The following URB2 variants were observed in gnomAD, a reference collection of about 807,000 sequenced individuals.
URB2 encodes unhealthy ribosome biogenesis protein 2 homolog.
Under a neutral mutation model 120.9 loss-of-function variants are expected in URB2, and 86 were observed. That is an observed-to-expected ratio of 0.71 (90% CI 0.60 to 0.85). URB2 has a LOEUF of 0.85. URB2 is among the 40% of genes least tolerant of loss of function. The probability of loss-of-function intolerance (pLI) is 0.00; values close to 1 mark genes in which losing one functional copy is unlikely to be tolerated. For missense variants in URB2, 1,765 were observed against 1,836.5 expected (o/e 0.96, Z 0.71); for synonymous variants, 755 against 758.4 (o/e 1.00, Z 0.07).
In URB2 at chr1:229,636,867, T is replaced by G; in HGVS notation, c.2254T>G (p.Ser752Ala). 1 of 1,611,454 alleles carries G rather than the reference T, an allele frequency of 6.2e-7. No individual in the cohort carries two copies. Among genetic ancestry groups the G allele is most frequent in the Non-Finnish European group, 8.5e-7 (1 of 1,178,066 alleles). Residue 752 changes from serine (S) to alanine (A), a missense_variant, in exon 4 of 10, where the codon TCC becomes GCC. Coordinates refer to ENST00000258243, the MANE Select transcript of URB2 (RefSeq NM_014777.4). Reference sequence around the variant, plus strand: ...TGTGTCAAATCTCACAATTTTAATATCCTATCTGTGTCCAGATGATGTGGG... The same window carrying G: ...TGTGTCAAATCTCACAATTTTAATAGCCTATCTGTGTCCAGATGATGTGGG... Reference protein sequence around the residue: ...LIVSNLTILISYLCPDDVGYL... With the variant: ...LIVSNLTILIAYLCPDDVGYL...
At position 229,637,360 on chromosome 1, in the gene URB2, A is replaced by G; in HGVS notation, c.2747A>G (p.His916Arg). The change falls in exon 4 of 10, where the codon CAT becomes CGT. Residue 916 changes from histidine to arginine, a missense_variant. Transcript: ENST00000258243. ...AGCCTCTTGCCACCCTATCATGTGC[A>G]TTATTTTCTTGTGTTACTGTCCATG... ...LDSLLPPYHVHYFLVLLSMAV... is the reference protein window; with the variant it reads ...LDSLLPPYHVRYFLVLLSMAV... The G allele has an allele frequency of 7.4e-6, 12 of 1,614,124 alleles. No individual in the cohort carries two copies. The highest frequency in any genetic ancestry group is 1.0e-5 in the Non-Finnish European group (12 of 1,180,028).
At chr1:229,632,044 TG>T (rs1312637375) in intron 2 of URB2, among the ~76,000 whole-genome samples, 2 of 152,230 alleles carry the variant, frequency 1.3e-5, no homozygotes, top group Non-Finnish European at 2.9e-5. Context: ...TTGCCCTAGC[TG>T]AAGACAAATT....
Position 229,637,197 on chromosome 1 carries a change from G to T in URB2, c.2584G>T (p.Glu862Ter). 1 of 1,613,830 alleles carries T rather than the reference G, an allele frequency of 6.2e-7. No homozygotes were observed. The highest frequency in any genetic ancestry group is 8.5e-7 in the Non-Finnish European group (1 of 1,179,768). ...AAACAGATTTGCAAAAGCTGGACCC[G>T]AAGGTATAGAACCTAGAGGAGAAAT... The part of the protein sequence containing the change: ...WENRFAKAGP[E>*]GIEPRGEIAQ... The change falls in exon 4 of 10, where the codon GAA becomes TAA. Residue 862 changes from glutamate (E) to a stop codon, truncating the protein, a stop_gained. Transcript: ENST00000258243. LOFTEE classifies it high-confidence loss of function.
chr1:229,645,380 C>T (rs888275090), intron 5 of URB2, among the ~76,000 whole-genome samples: 1 of 152,150 alleles, frequency 6.6e-6, no homozygotes, highest in Non-Finnish European at 1.5e-5. Context: ...GTCATATTGC[C>T]CTCATGTCAG....
Position 229,637,422 on chromosome 1 carries a change from C to T in URB2, c.2809C>T (p.Leu937=). 4 of 1,614,184 alleles carry T rather than the reference C, an allele frequency of 2.5e-6. No homozygotes were observed. Among genetic ancestry groups the T allele is most frequent in the Non-Finnish European group, 3.4e-6 (4 of 1,180,042 alleles). ...TKLGCSCSSS[L]ALKFLTTCYQ... is the part of the protein sequence containing the mutation. ...ACTAGGATGCTCTTGCTCCTCCTCA[C>T]TGGCTCTCAAGTTCTTGACGACTTG... Residue 937 remains leucine, a synonymous_variant, in exon 4 of 10, where the codon CTG becomes TTG. Transcript: ENST00000258243.
Position 229,659,363 on chromosome 1 carries a change from C to T in URB2, c.*66C>T. Reference sequence around the variant, plus strand: ...GCTTTGGCTGCATGGTCTGAAAGAGCTGGAGAATGAAAGACTTAAGATGTT... The same window carrying T: ...GCTTTGGCTGCATGGTCTGAAAGAGTTGGAGAATGAAAGACTTAAGATGTT... On this transcript the variant is annotated 3_prime_UTR_variant, in exon 10 of 10. Coordinates refer to ENST00000258243, the MANE Select transcript of URB2 (RefSeq NM_014777.4). 6.6e-7 allele frequency: 1 copy of T among 1,524,098 alleles called. No individual in the cohort carries two copies. The highest frequency in any genetic ancestry group is 9.0e-7 in the Non-Finnish European group (1 of 1,113,140). The allele number at this position is 1,524,098 out of a possible 1,614,324, so 94.4% of individuals were successfully genotyped here.
intron 4 of URB2, 23 bp from the exon 5 acceptor site, chr1:229,643,510 A>G (rs2102791854): frequency 3.1e-6 from 5 of 1,613,612 alleles, no homozygotes; most frequent in Non-Finnish European, 4.2e-6. Flanking sequence ...CATCTTAACA[A>G]TTTTGGTTTC....
In URB2 at chr1:229,651,329, T is replaced by A. The variant is rs116315745; in HGVS notation, c.4237+7T>A. The A allele has an allele frequency of 1.2e-3, 1,873 of 1,609,804 alleles. 22 individuals are homozygous for A. The African/African-American group carries it at 0.022, about 19-fold the overall frequency. On this transcript the variant is annotated splice_region_variant and intron_variant, in intron 8 of 9. Transcript: ENST00000258243. Reference sequence around the variant, plus strand: ...GGGCGGCAGAAGGACAAAGGTAATTTGGAGTAACATCAGACACAGTTTCAA... The same window carrying A: ...GGGCGGCAGAAGGACAAAGGTAATTAGGAGTAACATCAGACACAGTTTCAA...
chr1:229,632,230 A>G, intron 2 of URB2, 39 bp from the exon 3 acceptor site: 1 of 1,483,458 alleles, frequency 6.7e-7, no homozygotes. Flanking sequence ...TCTCTCAGCA[A>G]ATAAATTTAT....
intron 9 of URB2, among the ~76,000 whole-genome samples, chr1:229,657,092 A>G (rs549749552): frequency 1.3e-5 from 2 of 152,188 alleles, no homozygotes; most frequent in Non-Finnish European, 2.9e-5. Flanking sequence ...GAAAAGTGTT[A>G]AGTTGAACCG....
At chr1:229,631,773 C>T (rs1159501436) in intron 2 of URB2, among the ~76,000 whole-genome samples, 1 of 152,182 alleles carries the variant, frequency 6.6e-6, no homozygotes, top group Non-Finnish European at 1.5e-5. Flanking sequence ...CATCAGTGAT[C>T]ACTGGTCACA....
rs764530348 is a variant in URB2, at chr1:229,637,991, C to T, written c.3378C>T (p.Ala1126=). 6.2e-6 allele frequency: 10 copies of T among 1,613,356 alleles called. No individual in the cohort carries two copies. The highest frequency in any genetic ancestry group is 4.5e-5 in the East Asian group (2 of 44,890). The change falls in exon 4 of 10, where the codon GCC becomes GCT. Residue 1126 remains alanine (A), a synonymous_variant. Transcript: ENST00000258243. ...LISSVSTLLE[A]DLGQHCRDGG... ...CATCCGTCAGCACGCTCTTGGAAGC[C>T]GACCTGGGTCAGCACTGCAGGGATG...
At chr1:229,655,891 A>C (rs552364754) in intron 9 of URB2, among the ~76,000 whole-genome samples, 6 of 152,334 alleles carry the variant, frequency 3.9e-5, no homozygotes, top group African/African-American at 1.4e-4. Context: ...CTGGAGCTGC[A>C]TCACTTTTCA....
chr1:229,651,577 A>G (rs1228904411), intron 8 of URB2, among the ~76,000 whole-genome samples: 3 of 152,244 alleles, frequency 2.0e-5, no homozygotes, highest in Non-Finnish European at 4.4e-5. Flanking sequence ...AGATTTAGGA[A>G]ATGTTTACTG....
rs12068153 is a variant in URB2 at position 229,660,117 on chromosome 1, C to T, written c.*820C>T. 224 of 152,130 alleles carry T rather than the reference C, an allele frequency of 1.5e-3. No individual in the cohort carries two copies. Among genetic ancestry groups the T allele is most frequent in the African/African-American group, 5.4e-3 (222 of 41,490 alleles). 9.4% of individuals were successfully genotyped at this position (152,130 alleles called of 1,614,324 possible). A position where few individuals can be genotyped will look rare whatever the true frequency, so the allele number is the denominator to read the frequency against. On this transcript the variant is annotated 3_prime_UTR_variant, in exon 10 of 10. Transcript: ENST00000258243. ...CACCTTGGAGTATCTTGTTGTAGTC[C>T]CTTTACTATGTGTATGTATATAGAT...
intron 4 of URB2, among the ~76,000 whole-genome samples, chr1:229,641,915 C>T (rs1043532027): frequency 3.9e-5 from 6 of 152,122 alleles, no homozygotes; most frequent in Middle Eastern, 3.4e-3. Flanking sequence ...AAGGCTGAGG[C>T]GAGAGGACCC....
At position 229,647,664 on chromosome 1, in the gene URB2, C is replaced by G. The variant is rs1188170783; in HGVS notation, c.4061C>G (p.Pro1354Arg). 3 of 1,614,136 alleles carry G rather than the reference C, an allele frequency of 1.9e-6. No homozygotes were observed. The highest frequency in any genetic ancestry group is 1.7e-5 in the Admixed American group (1 of 60,022). ...GCCTTCAGCATCCTTCTCACTGTCC[C>G]TTTGGACCATCTGAAGCCGCTGGAG... Reference protein sequence around the residue: ...SLAFSILLTVPLDHLKPLEYG... With the variant: ...SLAFSILLTVRLDHLKPLEYG... Residue 1354 changes from proline to arginine, a missense_variant, in exon 7 of 10, where the codon CCT (proline) becomes CGT (arginine). Pro to Arg is a moderately radical substitution (Grantham distance 103). Transcript: ENST00000258243.
intron 9 of URB2, 72 bp from the exon 10 acceptor site, chr1:229,659,028 G>A (rs998568708): frequency 1.3e-5 from 20 of 1,482,202 alleles, no homozygotes; most frequent in Admixed American, 1.8e-5. Flanking sequence ...GCTTCCCAAG[G>A]CATTGTTGGC....
intron 4 of URB2, among the ~76,000 whole-genome samples, chr1:229,642,827 T>G (rs1666044558): frequency 6.6e-6 from 1 of 152,132 alleles, no homozygotes; most frequent in Non-Finnish European, 1.5e-5. Flanking sequence ...CCCAGCACAG[T>G]AAAAAATTCC....
Sources: allele counts gnomAD v4.1 joint callset (sites outside exome capture counted in the v4.1 genomes callset), GRCh38; gene constraint gnomAD v4.1.1; transcripts MANE v1.5; gene names NCBI Gene and HGNC (gene_info 2026-07-23, HGNC 2026-07-21).